KREMEN1: variants seen among roughly 807,000 people sequenced by gnomAD.
KREMEN1 encodes the protein kremen protein 1.
A neutral mutation model predicts 46.5 loss-of-function variants in KREMEN1; 30 were observed. The observed-to-expected ratio is 0.65, with a 90% CI of 0.48 to 0.88. KREMEN1 has a LOEUF of 0.88. KREMEN1 is among the 40% of genes least tolerant of loss of function. KREMEN1 has a pLI of 0.00. For missense variants in KREMEN1, 533 were observed against 596.9 expected, an observed-to-expected ratio of 0.89 and a Z score of 1.11; for synonymous variants, 214 against 230.6, an observed-to-expected ratio of 0.93 and a Z score of 0.65.
rs199671662 is a variant in KREMEN1, at chr22:29,138,725, T to G, written c.1066T>G (p.Ser356Ala). 434 of 1,614,074 alleles carry G rather than the reference T, an allele frequency of 2.7e-4. No homozygotes were observed. The highest frequency in any genetic ancestry group is 3.6e-4 in the Non-Finnish European group (419 of 1,180,042). ...CCTCAGTGTCAGCGCTGCCCGGTCCTCCAAAGTCCTCTATGTCATCACCAC... is the reference window on the plus strand; with the variant it reads ...CCTCAGTGTCAGCGCTGCCCGGTCCGCCAAAGTCCTCTATGTCATCACCAC... ...ANLSVSAARS[S>A]KVLYVITTSP... The change falls in exon 7 of 9, where the codon TCC becomes GCC. Residue 356 changes from serine to alanine, a missense_variant. Physicochemically the swap from Ser to Ala is moderately conservative, Grantham distance 99. Transcript: ENST00000400335.
At chr22:29,106,978 T>G (rs2038070207) in intron 3 of KREMEN1, among the ~76,000 whole-genome samples, 1 of 152,124 alleles carries the variant, frequency 6.6e-6, no homozygotes, top group African/African-American at 2.4e-5. Flanking sequence ...TGAGATGGGA[T>G]CTGGGAAGCA....
intron 9 of KREMEN1, among the ~76,000 whole-genome samples, chr22:29,160,073 C>T (rs1411504465): frequency 6.6e-6 from 1 of 152,144 alleles, no homozygotes; most frequent in Non-Finnish European, 1.5e-5. Context: ...CTATGGAAAA[C>T]TCCACCCATC....
intron 4 of KREMEN1, 190 bp from the exon 5 acceptor site, chr22:29,125,073 T>G: frequency 1.6e-6 from 1 of 608,188 alleles, no homozygotes; most frequent in Non-Finnish European, 2.9e-6. Context: ...GGAAACACAT[T>G]GGTGGTTGCG....
chr22:29,083,437 T>C (rs1274645580), intron 1 of KREMEN1, among the ~76,000 whole-genome samples: 1 of 152,226 alleles, frequency 6.6e-6, no homozygotes, highest in African/African-American at 2.4e-5. Context: ...ATGGACATTT[T>C]TTTCTCAAAA....
intron 9 of KREMEN1, among the ~76,000 whole-genome samples, chr22:29,164,074 C>T (rs115750872): frequency 6.6e-6 from 1 of 152,228 alleles, no homozygotes; most frequent in Non-Finnish European, 1.5e-5. Context: ...CTCAGCCTCC[C>T]GAGTAGCTGG....
At chr22:29,108,609 C>T (rs2038097111) in intron 3 of KREMEN1, among the ~76,000 whole-genome samples, 2 of 152,174 alleles carry the variant, frequency 1.3e-5, no homozygotes, top group Non-Finnish European at 2.9e-5. Context: ...AATGGACTAC[C>T]GTTAGTATGT....
chr22:29,119,680 G>A (rs1323585107), intron 3 of KREMEN1, among the ~76,000 whole-genome samples: 1 of 152,184 alleles, frequency 6.6e-6, no homozygotes, highest in African/African-American at 2.4e-5. Context: ...TTTGAAAGCT[G>A]TCTACCAGAG....
intron 3 of KREMEN1, among the ~76,000 whole-genome samples, chr22:29,105,158 A>G (rs1032739453): frequency 3.3e-5 from 5 of 152,164 alleles, no homozygotes; most frequent in African/African-American, 1.2e-4. Context: ...TCTGTCTGGC[A>G]TGGTAGGGAG....
intron 9 of KREMEN1, among the ~76,000 whole-genome samples, chr22:29,156,294 T>G (rs1454427766): frequency 6.6e-6 from 1 of 152,272 alleles, no homozygotes; most frequent in Non-Finnish European, 1.5e-5. Context: ...AATGTCCTTC[T>G]CTTTGTTAAC....
intron 1 of KREMEN1, among the ~76,000 whole-genome samples, chr22:29,093,523 T>G (rs1406699740): frequency 6.6e-6 from 1 of 152,186 alleles, no homozygotes; most frequent in Non-Finnish European, 1.5e-5. Context: ...AGAAACACAT[T>G]GTTGCACCTG....
chr22:29,160,430 C>T (rs2039000880), intron 9 of KREMEN1, among the ~76,000 whole-genome samples: 1 of 150,590 alleles, frequency 6.6e-6, no homozygotes, highest in Non-Finnish European at 1.5e-5. Flanking sequence ...ATCCCAGCTA[C>T]TCGGGAGGCT....
chr22:29,116,557 G>A (rs969442020), intron 3 of KREMEN1, among the ~76,000 whole-genome samples: 1 of 152,072 alleles, frequency 6.6e-6, no homozygotes, highest in African/African-American at 2.4e-5. Context: ...AAGCTTAGAG[G>A]TTCCAGCTGT....
chr22:29,153,494 G>T (rs186225339), intron 9 of KREMEN1, among the ~76,000 whole-genome samples: 1 of 152,040 alleles, frequency 6.6e-6, no homozygotes. Flanking sequence ...GACCACAGGC[G>T]TGGGCTGCTA....
chr22:29,074,545 G>A (rs1010813747), intron 1 of KREMEN1, among the ~76,000 whole-genome samples: 2 of 152,190 alleles, frequency 1.3e-5, no homozygotes, highest in Non-Finnish European at 2.9e-5. Flanking sequence ...AGAGGGCGTT[G>A]CATTTCTCTG....
intron 1 of KREMEN1, among the ~76,000 whole-genome samples, chr22:29,076,319 A>G (rs925966184): frequency 6.6e-6 from 1 of 152,160 alleles, no homozygotes; most frequent in Non-Finnish European, 1.5e-5. Context: ...CCTAAAACCT[A>G]TGAGTTCAGT....
At chr22:29,134,651 A>G (rs533534999) in intron 5 of KREMEN1, among the ~76,000 whole-genome samples, 3 of 152,320 alleles carry the variant, frequency 2.0e-5, no homozygotes, top group Non-Finnish European at 2.9e-5. Flanking sequence ...GGGCTGAGAT[A>G]GTGTTTACAC....
At chr22:29,075,498 T>C (rs1454952247) in intron 1 of KREMEN1, among the ~76,000 whole-genome samples, 1 of 152,206 alleles carries the variant, frequency 6.6e-6, no homozygotes, top group Middle Eastern at 3.2e-3. Flanking sequence ...CGTTGTGAAA[T>C]AATTTGTGAT....
intron 3 of KREMEN1, among the ~76,000 whole-genome samples, chr22:29,107,006 C>T (rs1380677974): frequency 6.6e-6 from 1 of 152,072 alleles, no homozygotes; most frequent in Non-Finnish European, 1.5e-5. Context: ...CCCAACAGAG[C>T]CACTCTGCAG....
chr22:29,131,744 ATATGTATATATG>A (rs943075403), intron 5 of KREMEN1, among the ~76,000 whole-genome samples: 16 of 135,642 alleles, frequency 1.2e-4, no homozygotes, highest in Non-Finnish European at 1.2e-4. Context: ...ATGTGTATAT[ATATGTATATATG>A]TATATATATA....
Sources: gnomAD v4.1 joint callset for allele counts (sites outside exome capture counted in the v4.1 genomes callset) on GRCh38, gnomAD v4.1.1 for gene constraint, MANE v1.5 for transcripts, NCBI Gene and HGNC (gene_info 2026-07-23, HGNC 2026-07-21) for gene names.